The following GSE1 variants were observed in gnomAD, a reference collection of about 807,000 sequenced individuals.
GSE1 encodes genetic suppressor element 1.
In GSE1, 32 loss-of-function variants were observed where a neutral mutation model predicts 112.6. The observed-to-expected ratio is 0.28, with a 90% CI of 0.21 to 0.38. The LOEUF (loss-of-function observed/expected upper bound fraction) is 0.38, where lower values mean the gene tolerates loss of function less well. Among genes scored for constraint, GSE1 ranks in the 10% least tolerant of loss-of-function variants. The probability of loss-of-function intolerance (pLI) is 1.00; values close to 1 mark genes in which losing one functional copy is unlikely to be tolerated. For missense variants in GSE1, 2,348 were observed against 1,699.2 expected (o/e 1.38, Z -6.71); for synonymous variants, 1,115 against 735.6 (o/e 1.52, Z -8.35).
At chr16:85,630,741 G>C (rs1441370548) in intron 1 of GSE1, among the ~76,000 whole-genome samples, 2 of 152,240 alleles carry the variant, frequency 1.3e-5, no homozygotes, top group African/African-American at 4.8e-5. Context: ...CTGGTAATGA[G>C]CAGTGGGGGC....
chr16:85,611,539 C>G (rs2047983507), upstream of GSE1: 3 of 919,248 alleles, frequency 3.3e-6, no homozygotes, highest in East Asian at 1.2e-4. Flanking sequence ...CAGGTAGGAG[C>G]CAGTAACGGC....
intron 2 of GSE1, among the ~76,000 whole-genome samples, chr16:85,533,792 G>C (rs1016661762): frequency 2.0e-5 from 3 of 152,056 alleles, no homozygotes; most frequent in Non-Finnish European, 4.4e-5. Context: ...TTGAGCCCGG[G>C]AGGTGGAGGC....
chr16:85,509,913 A>G (rs950723966), intron 2 of GSE1, among the ~76,000 whole-genome samples: 1 of 152,246 alleles, frequency 6.6e-6, no homozygotes, highest in African/African-American at 2.4e-5. Flanking sequence ...TTCCTCTGAC[A>G]GAAGCTGACA....
At chr16:85,662,082 A>G (rs917868135) in intron 9 of GSE1, among the ~76,000 whole-genome samples, 1 of 152,182 alleles carries the variant, frequency 6.6e-6, no homozygotes, top group African/African-American at 2.4e-5. Flanking sequence ...GATAGTTTTA[A>G]ATATTAATAG....
intron 1 of GSE1, among the ~76,000 whole-genome samples, chr16:85,340,609 C>T (rs749499146): frequency 5.9e-5 from 9 of 152,212 alleles, no homozygotes; most frequent in Non-Finnish European, 8.8e-5. Flanking sequence ...TCACTGTACT[C>T]CAGCCTGGGC....
intron 2 of GSE1, among the ~76,000 whole-genome samples, chr16:85,540,508 G>T (rs139030556): frequency 1.3e-5 from 2 of 152,224 alleles, no homozygotes; most frequent in Non-Finnish European, 2.9e-5. Context: ...ATTCAAATTT[G>T]CTAGGACCTG....
At chr16:85,530,842 T>C (rs965554640) in intron 2 of GSE1, among the ~76,000 whole-genome samples, 1 of 152,256 alleles carries the variant, frequency 6.6e-6, no homozygotes, top group Non-Finnish European at 1.5e-5. Flanking sequence ...AGGGGAAACC[T>C]TGAGGCCCAA....
At chr16:85,632,011 C>T (rs777139168) in intron 1 of GSE1, among the ~76,000 whole-genome samples, 29 of 152,206 alleles carry the variant, frequency 1.9e-4, no homozygotes, top group Non-Finnish European at 3.5e-4. Flanking sequence ...TCAGGCTGGC[C>T]GAGGACGGGC....
At chr16:85,344,974 T>G (rs2046703325) in intron 1 of GSE1, among the ~76,000 whole-genome samples, 1 of 152,240 alleles carries the variant, frequency 6.6e-6, no homozygotes, top group Non-Finnish European at 1.5e-5. Context: ...TCGCCTCTTC[T>G]GTCAAGACTC....
chr16:85,616,655 G>C (rs1228006032), intron 1 of GSE1, among the ~76,000 whole-genome samples: 1 of 152,072 alleles, frequency 6.6e-6, no homozygotes, highest in Non-Finnish European at 1.5e-5. Flanking sequence ...ATTTCAGCTT[G>C]GTGGCTGTGC....
chr16:85,352,915 GACAC>G (rs979400447), intron 1 of GSE1, among the ~76,000 whole-genome samples: 2 of 152,226 alleles, frequency 1.3e-5, no homozygotes, highest in African/African-American at 4.8e-5. Flanking sequence ...CTCTGTTTCT[GACAC>G]ACACAGCTCA....
chr16:85,508,008 C>T (rs529928437), intron 2 of GSE1, among the ~76,000 whole-genome samples: 2 of 152,138 alleles, frequency 1.3e-5, no homozygotes, highest in Admixed American at 6.5e-5. Flanking sequence ...GCCGAGGTGG[C>T]CAGTGCCCCG....
intron 1 of GSE1, among the ~76,000 whole-genome samples, chr16:85,565,419 A>T (rs961927196): frequency 1.3e-5 from 2 of 151,782 alleles, no homozygotes; most frequent in Admixed American, 1.3e-4. Context: ...AAAAAAACAA[A>T]AAAACCACCA....
chr16:85,574,293 A>G (rs1161294322), intron 1 of GSE1, among the ~76,000 whole-genome samples: 19 of 152,226 alleles, frequency 1.2e-4, no homozygotes, highest in Admixed American at 1.2e-3. Flanking sequence ...AGCCTGGGAA[A>G]ATCCCAGTGT....
intron 1 of GSE1, among the ~76,000 whole-genome samples, chr16:85,282,532 G>A (rs2044887192): frequency 6.6e-6 from 1 of 152,222 alleles, no homozygotes; most frequent in South Asian, 2.1e-4. Flanking sequence ...GTCTCAGAAA[G>A]TCAGAGTCGC....
chr16:85,652,159 G>T (rs1009508314), intron 3 of GSE1, among the ~76,000 whole-genome samples: 1 of 152,176 alleles, frequency 6.6e-6, no homozygotes, highest in African/African-American at 2.4e-5. Context: ...CTGCTGCCCT[G>T]TGAGTCCCCC....
intron 15 of GSE1, chr16:85,672,149 A>G (rs2053397995): frequency 2.2e-6 from 1 of 463,736 alleles, no homozygotes; most frequent in Non-Finnish European, 4.1e-6. Flanking sequence ...CAGGTATACG[A>G]CACCATGCCT....
At chr16:85,454,350 T>A (rs950351427) in intron 2 of GSE1, among the ~76,000 whole-genome samples, 1 of 152,182 alleles carries the variant, frequency 6.6e-6, no homozygotes, top group Non-Finnish European at 1.5e-5. Context: ...GGGCTACCCA[T>A]GCGGCAGGGG....
chr16:85,365,865 CT>C (rs895157407), intron 2 of GSE1, among the ~76,000 whole-genome samples: 9 of 152,222 alleles, frequency 5.9e-5, no homozygotes, highest in African/African-American at 2.2e-4. Context: ...GGCTCTGCTC[CT>C]TTGGAGCTTC....
Sources: gnomAD v4.1 joint callset for allele counts (sites outside exome capture counted in the v4.1 genomes callset) on GRCh38, gnomAD v4.1.1 for gene constraint, MANE v1.5 for transcripts, NCBI Gene and HGNC (gene_info 2026-07-23, HGNC 2026-07-21) for gene names.